AHI1: variants seen among roughly 807,000 people sequenced by gnomAD.
The protein encoded by AHI1 is Abelson helper integration site 1.
In AHI1, 123 loss-of-function variants were observed where a neutral mutation model predicts 149.3. That is an observed-to-expected ratio of 0.82 (90% CI 0.71 to 0.96). The LOEUF (loss-of-function observed/expected upper bound fraction) is 0.96. Among genes scored for constraint, AHI1 ranks in the 40% least tolerant of loss-of-function variants. The pLI, the probability that AHI1 is intolerant of heterozygous loss-of-function variation, is 0.00. For synonymous variants in AHI1, 475 were observed against 459.8 expected (o/e 1.03, Z -0.42); for missense variants, 1,439 against 1,422.7 (o/e 1.01, Z -0.18).
chr6:135,295,432 CCTT>C (rs1303045545), intron 27 of AHI1, among the ~76,000 whole-genome samples: 1 of 152,176 alleles, frequency 6.6e-6, no homozygotes, highest in Non-Finnish European at 1.5e-5. Flanking sequence ...GAAAGCATAA[CCTT>C]CTTCAATGCC....
intron 24 of AHI1, among the ~76,000 whole-genome samples, chr6:135,337,688 G>C (rs1789602027): frequency 6.6e-6 from 1 of 151,602 alleles, no homozygotes; most frequent in African/African-American, 2.4e-5. Context: ...CTTGAACCCA[G>C]GAGGTCAAGG....
At chr6:135,297,389 T>A (rs531919576) in intron 27 of AHI1, 2 of 455,684 alleles carry the variant, frequency 4.4e-6, no homozygotes, top group East Asian at 1.4e-4. Flanking sequence ...CCACATCACA[T>A]CCAAATGCCC....
intron 23 of AHI1, among the ~76,000 whole-genome samples, chr6:135,374,669 T>C (rs1368464133): frequency 3.3e-5 from 5 of 152,132 alleles, no homozygotes; most frequent in East Asian, 1.9e-4. Context: ...TGAAAGAGAA[T>C]ATTTCACTTA....
chr6:135,364,967 G>A lies in AHI1; in HGVS notation c.3110-6780C>T, dbSNP rs577497998. ...AGGGAGAGGGAGTGGGAGCGGGAGC[G>A]TCTTTCATCCATCTTGAGTTGATTT... On this transcript the variant is annotated intron_variant, in intron 23 of 28. Coordinates refer to ENST00000265602, the MANE Select transcript of AHI1 (RefSeq NM_001134831.2). 4.1e-4 allele frequency among the ~76,000 whole-genome samples: 63 copies of A among 152,304 alleles called. 2 individuals are homozygous for A. In the South Asian group the frequency reaches 8.1e-3, roughly 20 times the overall value.
chr6:135,481,905 G>T (rs1024339197), intron 5 of AHI1, among the ~76,000 whole-genome samples: 2 of 150,076 alleles, frequency 1.3e-5, no homozygotes, highest in African/African-American at 4.9e-5. Context: ...TTAAAATATT[G>T]TTCCATTGTC....
At chr6:135,490,832 C>A in intron 4 of AHI1, 85 bp from the exon 5 acceptor site, 2 of 1,479,584 alleles carry the variant, frequency 1.4e-6, no homozygotes, top group South Asian at 1.4e-5. Context: ...GAAATAAGTT[C>A]TTGTAAATAT....
chr6:135,325,228 T>A (rs901265272), intron 24 of AHI1, among the ~76,000 whole-genome samples: 1 of 152,210 alleles, frequency 6.6e-6, no homozygotes, highest in Non-Finnish European at 1.5e-5. Flanking sequence ...GGTTTCTCCA[T>A]GTTGGTCAGG....
chr6:135,357,084 ATG>A (rs1339252815), intron 24 of AHI1, among the ~76,000 whole-genome samples: 4 of 152,178 alleles, frequency 2.6e-5, no homozygotes, highest in Admixed American at 6.5e-5. Context: ...GACTACAGGC[ATG>A]CACCACCATG....
intron 11 of AHI1, 149 bp downstream of exon 11, chr6:135,453,192 A>G (rs1788397763): frequency 5.7e-6 from 4 of 697,086 alleles, no homozygotes; most frequent in Non-Finnish European, 1.0e-5. Context: ...CTGAATGAGC[A>G]TAACCTGAGC....
intron 23 of AHI1, among the ~76,000 whole-genome samples, chr6:135,365,549 GTATTT>G (rs2128448901): frequency 6.6e-6 from 1 of 152,222 alleles, no homozygotes; most frequent in South Asian, 2.1e-4. Context: ...ACATTCCTAA[GTATTT>G]TATTTTATGT....
intron 23 of AHI1, among the ~76,000 whole-genome samples, chr6:135,375,354 A>G (rs968695338): frequency 6.6e-6 from 1 of 152,238 alleles, no homozygotes; most frequent in Non-Finnish European, 1.5e-5. Context: ...ATATTAGTAT[A>G]TATCATAAAA....
intron 23 of AHI1, among the ~76,000 whole-genome samples, chr6:135,383,225 C>CTTTTTTT (rs1237358406): frequency 1.7e-5 from 1 of 58,762 alleles, no homozygotes. Flanking sequence ...TTCCCCCCTC[C>CTTTTTTT]CTTTTTTTTT....
chr6:135,367,740 T>C (rs747255008), intron 23 of AHI1, among the ~76,000 whole-genome samples: 1 of 152,162 alleles, frequency 6.6e-6, no homozygotes, highest in Non-Finnish European at 1.5e-5. Flanking sequence ...TCTGGAGATT[T>C]TTCCATCCAT....
At chr6:135,454,437 T>C (rs1788604834) in intron 10 of AHI1, among the ~76,000 whole-genome samples, 2 of 152,176 alleles carry the variant, frequency 1.3e-5, no homozygotes, top group Non-Finnish European at 2.9e-5. Flanking sequence ...CCAAATCTCT[T>C]ACTGATCTAA....
At chr6:135,398,093 T>C (rs575333329) in intron 22 of AHI1, among the ~76,000 whole-genome samples, 1 of 146,652 alleles carries the variant, frequency 6.8e-6, no homozygotes, top group South Asian at 2.1e-4. Flanking sequence ...AAATCATGTA[T>C]CTGTTGTAAA....
At chr6:135,485,842 G>A (rs1794390238) in intron 5 of AHI1, among the ~76,000 whole-genome samples, 1 of 152,042 alleles carries the variant, frequency 6.6e-6, no homozygotes, top group African/African-American at 2.4e-5. Context: ...ACTACACACT[G>A]GCATAACAGG....
intron 5 of AHI1, among the ~76,000 whole-genome samples, chr6:135,481,719 A>ATTT (rs1793677145): frequency 6.9e-6 from 1 of 145,526 alleles, no homozygotes; most frequent in East Asian, 2.0e-4. Flanking sequence ...TTTTTTTTTA[A>ATTT]CACTTTTTTA....
rs201270602 is a variant in AHI1 at position 135,323,228 on chromosome 6, A to G, written c.3262T>C (p.Trp1088Arg). ...IRVFFKDNEDWWYGSIGKGQE... is the reference protein window; with the variant it reads ...IRVFFKDNEDRWYGSIGKGQE... ...CCCTTTCCTATGCTGCCATACCACC[A>G]GTCTTCATTATCTTTGAAAAACACT... is the stretch of plus-strand genomic sequence containing the variant. The change falls in exon 25 of 29, where the codon TGG becomes CGG. Residue 1088 changes from tryptophan (W) to arginine (R), a missense_variant. By Grantham distance (101) the Trp-to-Arg change is moderately radical. Transcript: ENST00000265602. The G allele has an allele frequency of 6.2e-7, 1 of 1,613,914 alleles. No individual in the cohort carries two copies. The highest frequency in any genetic ancestry group is 8.5e-7 in the Non-Finnish European group (1 of 1,179,842).
intron 24 of AHI1, among the ~76,000 whole-genome samples, chr6:135,329,714 C>T (rs565598562): frequency 1.3e-5 from 2 of 152,326 alleles, no homozygotes; most frequent in South Asian, 4.1e-4. Context: ...AAGTCCATAG[C>T]TGACATAGAC....
Sources: allele counts gnomAD v4.1 joint callset (sites outside exome capture counted in the v4.1 genomes callset), GRCh38; gene constraint gnomAD v4.1.1; transcripts MANE v1.5; gene names NCBI Gene and HGNC (gene_info 2026-07-23, HGNC 2026-07-21).